GTF2F2: variants seen among roughly 807,000 people sequenced by gnomAD.
The protein encoded by GTF2F2 is general transcription factor IIF subunit 2, also known as ATP-dependent helicase GTF2F2.
In GTF2F2, 23 loss-of-function variants were observed where a neutral mutation model predicts 42.2. The observed-to-expected ratio is 0.55, with a 90% confidence interval of 0.39 to 0.77. The LOEUF (loss-of-function observed/expected upper bound fraction) is 0.77, where lower values mean the gene tolerates loss of function less well. Ranked by LOEUF, GTF2F2 falls within the 30% of genes least tolerant of loss-of-function variation. The pLI is 0.00. For missense variants in GTF2F2, 261 were observed against 287.2 expected, an observed-to-expected ratio of 0.91 and a Z score of 0.66; for synonymous variants, 105 against 100.8, an observed-to-expected ratio of 1.04 and a Z score of -0.25.
At chr13:45,191,255 A>ATATATATATATATG (rs1260872563) in intron 4 of GTF2F2, among the ~76,000 whole-genome samples, 1 of 136,528 alleles carries the variant, frequency 7.3e-6, no homozygotes, top group African/African-American at 3.0e-5. Context: ...ATATATATAT[A>ATATATATATATATG]GCCATAATCT....
intron 5 of GTF2F2, among the ~76,000 whole-genome samples, chr13:45,235,481 T>G (rs946675911): frequency 6.6e-6 from 1 of 152,054 alleles, no homozygotes; most frequent in South Asian, 2.1e-4. Context: ...TTATCTTTTT[T>G]TTTTTTTCTA....
chr13:45,202,662 C>T (rs960398085), intron 4 of GTF2F2, among the ~76,000 whole-genome samples: 7 of 151,964 alleles, frequency 4.6e-5, no homozygotes, highest in Admixed American at 1.3e-4. Flanking sequence ...TATAAATGTA[C>T]GTTTAGTTGG....
intron 6 of GTF2F2, among the ~76,000 whole-genome samples, chr13:45,254,190 CTATTT>C (rs1436842544): frequency 4.0e-5 from 6 of 151,452 alleles, no homozygotes; most frequent in Non-Finnish European, 7.4e-5. Flanking sequence ...TAGGGTTATT[CTATTT>C]TATTATGGGT....
intron 4 of GTF2F2, among the ~76,000 whole-genome samples, chr13:45,184,364 G>A (rs1872313527): frequency 6.6e-6 from 1 of 151,554 alleles, no homozygotes; most frequent in African/African-American, 2.4e-5. Flanking sequence ...GCGTTGATTG[G>A]TGAAGTCTTT....
intron 4 of GTF2F2, among the ~76,000 whole-genome samples, chr13:45,158,739 A>G (rs1181946306): frequency 2.0e-5 from 3 of 152,100 alleles, no homozygotes; most frequent in Admixed American, 1.3e-4. Context: ...ACTGTATCTC[A>G]TGGTTATCTC....
At chr13:45,279,375 A>G (rs1265726371) in intron 7 of GTF2F2, among the ~76,000 whole-genome samples, 1 of 152,222 alleles carries the variant, frequency 6.6e-6, no homozygotes, top group Non-Finnish European at 1.5e-5. Context: ...GATTTTAGTA[A>G]TAAGTGACAT....
At chr13:45,136,176 G>A (rs1255730209) in intron 1 of GTF2F2, among the ~76,000 whole-genome samples, 1 of 152,220 alleles carries the variant, frequency 6.6e-6, no homozygotes, top group East Asian at 1.9e-4. Context: ...AATAGTACCT[G>A]TTCCATAGAG....
chr13:45,168,808 CTT>C (rs1871431003), intron 4 of GTF2F2, among the ~76,000 whole-genome samples: 1 of 149,168 alleles, frequency 6.7e-6, no homozygotes, highest in African/African-American at 2.5e-5. Context: ...TCCTTCCTTC[CTT>C]CCTTCCTTCC....
At chr13:45,189,948 C>T (rs2138166783) in intron 4 of GTF2F2, among the ~76,000 whole-genome samples, 1 of 152,250 alleles carries the variant, frequency 6.6e-6, no homozygotes, top group Middle Eastern at 3.4e-3. Flanking sequence ...TAGGCATGGG[C>T]AAGGACTTCA....
chr13:45,210,951 G>T (rs1264582839), intron 5 of GTF2F2, among the ~76,000 whole-genome samples: 1 of 152,182 alleles, frequency 6.6e-6, no homozygotes, highest in Non-Finnish European at 1.5e-5. Flanking sequence ...GACTAAACAA[G>T]GTGGTTCTAG....
intron 4 of GTF2F2, among the ~76,000 whole-genome samples, chr13:45,184,059 A>G (rs1463479055): frequency 6.6e-6 from 1 of 151,884 alleles, no homozygotes; most frequent in East Asian, 1.9e-4. Flanking sequence ...GGATTTCACC[A>G]TGTTGGCCAG....
intron 4 of GTF2F2, among the ~76,000 whole-genome samples, chr13:45,171,956 A>C (rs1871621742): frequency 6.6e-6 from 1 of 151,996 alleles, no homozygotes; most frequent in African/African-American, 2.4e-5. Context: ...ATTGCTAGAC[A>C]GTATTCCATC....
At chr13:45,148,392 C>T (rs375909361) in intron 2 of GTF2F2, among the ~76,000 whole-genome samples, 4 of 152,162 alleles carry the variant, frequency 2.6e-5, no homozygotes, top group African/African-American at 9.7e-5. Flanking sequence ...TTATCTCCTC[C>T]CCTTTCTTAT....
In GTF2F2 at chr13:45,213,065, T is replaced by TTTATTC. The variant is rs553598036; in HGVS notation, c.386+5569_386+5574dup. 4.2e-3 allele frequency among the ~76,000 whole-genome samples: 619 copies of TTTATTC among 147,400 alleles called. 4 individuals carry two copies. Among genetic ancestry groups the TTTATTC allele is most frequent in the Non-Finnish European group, 4.8e-3 (323 of 66,810 alleles). The stretch of plus-strand genomic sequence containing the variant: ...CTAATTTTATTTATTTATTTATTTA[T>TTTATTC]TTATTCTTATTCTTCTTCTTATTAT... On this transcript the variant is annotated intron_variant, in intron 5 of 7. Coordinates refer to ENST00000340473, the MANE Select transcript of GTF2F2 (RefSeq NM_004128.3).
rs575378438 is a variant in GTF2F2, at chr13:45,184,051, A to T, written c.305-23373A>T. Among the ~76,000 whole-genome samples, 73 of 151,728 alleles carry T rather than the reference A, an allele frequency of 4.8e-4. 1 individual carries two copies. The South Asian group carries it at 0.015, about 32-fold the overall frequency. On this transcript the variant is annotated intron_variant, in intron 4 of 7. Transcript: ENST00000340473. ...TTGTATTTTTTTTAGAAGAGACAGGATTTCACCATGTTGGCCAGGCTGGTC... is the reference window on the plus strand; with the variant it reads ...TTGTATTTTTTTTAGAAGAGACAGGTTTTCACCATGTTGGCCAGGCTGGTC...
At chr13:45,162,866 G>A (rs1450524002) in intron 4 of GTF2F2, among the ~76,000 whole-genome samples, 1 of 152,078 alleles carries the variant, frequency 6.6e-6, no homozygotes, top group Non-Finnish European at 1.5e-5. Flanking sequence ...TATTTCATAA[G>A]TGTTGACATT....
chr13:45,130,909 A>G (rs1258908491), intron 1 of GTF2F2, among the ~76,000 whole-genome samples: 1 of 152,190 alleles, frequency 6.6e-6, no homozygotes, highest in African/African-American at 2.4e-5. Flanking sequence ...GAGAGTTGTC[A>G]TACAGATGGT....
intron 4 of GTF2F2, among the ~76,000 whole-genome samples, chr13:45,180,562 G>T (rs1872103229): frequency 6.6e-6 from 1 of 152,122 alleles, no homozygotes; most frequent in African/African-American, 2.4e-5. Context: ...CATACTGCTT[G>T]TGTAAGGAAA....
At chr13:45,270,139 A>C (rs541007258) in intron 7 of GTF2F2, among the ~76,000 whole-genome samples, 2 of 152,042 alleles carry the variant, frequency 1.3e-5, no homozygotes, top group Non-Finnish European at 1.5e-5. Flanking sequence ...CAAAACCTTC[A>C]TTTCTATAAG....
Sources: gnomAD v4.1 joint callset for allele counts (sites outside exome capture counted in the v4.1 genomes callset) on GRCh38, gnomAD v4.1.1 for gene constraint, MANE v1.5 for transcripts, NCBI Gene and HGNC (gene_info 2026-07-23, HGNC 2026-07-21) for gene names.